The following TUBGCP5 variants were observed in gnomAD, a reference collection of about 807,000 sequenced individuals.
The protein encoded by TUBGCP5 is tubulin gamma complex component 5.
Under a neutral mutation model 134.7 loss-of-function variants are expected in TUBGCP5, and 98 were observed. The observed-to-expected ratio is 0.73, with a 90% CI of 0.62 to 0.86. The LOEUF (loss-of-function observed/expected upper bound fraction) is 0.86, where lower values mean the gene tolerates loss of function less well. Among genes scored for constraint, TUBGCP5 ranks in the 40% least tolerant of loss-of-function variants. TUBGCP5 has a pLI of 0.00. For synonymous variants in TUBGCP5, 456 were observed against 431.4 expected, an observed-to-expected ratio of 1.06 and a Z score of -0.71; for missense variants, 1,150 against 1,244.8, an observed-to-expected ratio of 0.92 and a Z score of 1.15.
intron 11 of TUBGCP5, among the ~76,000 whole-genome samples, chr15:23,020,943 G>A (rs2065651913): frequency 6.6e-6 from 1 of 152,070 alleles, no homozygotes. Flanking sequence ...TGCCCAGGCT[G>A]GAGTGTAGTG....
chr15:23,034,344 T>A (rs1438572209), intron 3 of TUBGCP5, among the ~76,000 whole-genome samples: 1 of 152,110 alleles, frequency 6.6e-6, no homozygotes, highest in Non-Finnish European at 1.5e-5. Context: ...CAGACTCAAA[T>A]ATGGCAGGGA....
intron 1 of TUBGCP5, among the ~76,000 whole-genome samples, chr15:23,037,903 T>C (rs929334324): frequency 6.6e-6 from 1 of 152,172 alleles, no homozygotes; most frequent in Non-Finnish European, 1.5e-5. Context: ...TAGCTGGGAC[T>C]ACAGGCGCCT....
intron 23 of TUBGCP5, among the ~76,000 whole-genome samples, chr15:22,987,895 CAAAAAAAAAAAAAAAAA>C (rs869168765): frequency 2.9e-4 from 6 of 20,468 alleles, no homozygotes; most frequent in Non-Finnish European, 5.4e-4. Context: ...GACTCCATCT[CAAAAAAAAAAAAAAAAA>C]AAAAAAAAAA....
At position 23,039,433 on chromosome 15, in the gene TUBGCP5, G is replaced by C. The variant is rs758290609; in HGVS notation, c.111C>G (p.Phe37Leu). 13 of 1,533,906 alleles carry C rather than the reference G, an allele frequency of 8.5e-6. No individual in the cohort carries two copies. The Admixed American group carries it at 1.9e-4, about 22-fold the overall frequency. Residue 37 changes from phenylalanine (F) to leucine (L), a missense_variant, in exon 1 of 23, where the codon TTC becomes TTG. Phe to Leu is a conservative substitution (Grantham distance 22). Around this residue, in one of 2 missense-constraint regions of TUBGCP5, gnomAD observed 453 missense variants for 394.7 expected, o/e 1.15. Transcript: ENST00000615383. ...AGLQDEADPNFQLALNFAWSN... is the reference protein window; with the variant it reads ...AGLQDEADPNLQLALNFAWSN... ...ACCAGGCGAAGTTTAGGGCGAGCTG[G>C]AAGTTGGGGTCTGCCTCGTCCTGGA... is the stretch of plus-strand genomic sequence containing the variant.
At chr15:23,002,975 T>C (rs551677674) in intron 21 of TUBGCP5, 90 bp downstream of exon 21, 1 of 1,323,782 alleles carries the variant, frequency 7.6e-7, no homozygotes, top group African/African-American at 1.4e-5. Flanking sequence ...CTCAGCCTCC[T>C]GAATGGCTGG....
downstream of TUBGCP5, among the ~76,000 whole-genome samples, chr15:22,999,023 G>C (rs1347032618): frequency 6.6e-6 from 1 of 152,076 alleles, no homozygotes; most frequent in Non-Finnish European, 1.5e-5. Flanking sequence ...GTCTTTCAAA[G>C]TGCCAGGATT....
intron 21 of TUBGCP5, 65 bp from the exon 22 acceptor site, chr15:23,000,734 A>T: frequency 8.5e-7 from 1 of 1,174,668 alleles, no homozygotes; most frequent in Admixed American, 2.4e-5. Context: ...GCTTCAAGAT[A>T]TCTGTGGAGT....
At chr15:22,999,922 T>G in intron 22 of TUBGCP5, 56 bp from the exon 23 acceptor site, 2 of 1,529,072 alleles carry the variant, frequency 1.3e-6, no homozygotes, top group Non-Finnish European at 1.8e-6. Flanking sequence ...TGAAAAAAAA[T>G]TTTTTTTGAA....
intron 9 of TUBGCP5, 126 bp downstream of exon 9, chr15:23,024,611 T>A: frequency 3.5e-6 from 2 of 568,042 alleles, no homozygotes; most frequent in Non-Finnish European, 5.9e-6. Context: ...AAGTTAGCTT[T>A]TTTTTGCATG....
At chr15:23,024,455 GTA>G in intron 9 of TUBGCP5, 1 of 448,798 alleles carries the variant, frequency 2.2e-6, no homozygotes, top group East Asian at 3.8e-5. Flanking sequence ...CAAAATTACA[GTA>G]TATAACTTTC....
chr15:23,002,017 G>T (rs972700868), intron 21 of TUBGCP5, among the ~76,000 whole-genome samples: 1 of 151,450 alleles, frequency 6.6e-6, no homozygotes, highest in Non-Finnish European at 1.5e-5. Context: ...ATGGTTGATA[G>T]ACTTCTTAAG....
chr15:22,985,856 G>A (rs142001830), intron 23 of TUBGCP5, among the ~76,000 whole-genome samples: 16,417 of 147,800 alleles, frequency 0.11, 996 homozygotes, highest in Middle Eastern at 0.13. Context: ...ATAATAGGCC[G>A]GGCACGGTGG....
chr15:22,992,241 T>C (rs934117396), intron 23 of TUBGCP5, among the ~76,000 whole-genome samples: 2 of 152,140 alleles, frequency 1.3e-5, no homozygotes, highest in African/African-American at 2.4e-5. Context: ...ATCTTCATGA[T>C]GAGAGGCCCT....
chr15:23,001,653 CT>C (rs59087813), intron 21 of TUBGCP5, among the ~76,000 whole-genome samples: 6,126 of 142,306 alleles, frequency 0.043, 244 homozygotes, highest in African/African-American at 0.11. Context: ...TTCTTTCTTT[CT>C]TTTTTTTTTT....
chr15:23,003,035 G>A (rs770309151), intron 21 of TUBGCP5, 30 bp downstream of exon 21: 9 of 1,608,756 alleles, frequency 5.6e-6, no homozygotes, highest in Middle Eastern at 1.7e-4. Flanking sequence ...AATGGTCACA[G>A]TGCAGATGCT....
In TUBGCP5 at chr15:23,019,209, T is replaced by C; in HGVS notation, c.1487+10A>G. 1.2e-6 allele frequency: 2 copies of C among 1,602,608 alleles called. No individual in the cohort carries two copies. Among genetic ancestry groups the C allele is most frequent in the Non-Finnish European group, 1.7e-6 (2 of 1,170,260 alleles). Reference sequence around the variant, plus strand: ...AGCCCCCAGTGACCTTGTGCTCTGCTGCAGCTCACCTCTGGATGATGAACT... The same window carrying C: ...AGCCCCCAGTGACCTTGTGCTCTGCCGCAGCTCACCTCTGGATGATGAACT... On this transcript the variant is annotated intron_variant, in intron 12 of 22. Coordinates refer to ENST00000615383, the MANE Select transcript of TUBGCP5 (RefSeq NM_052903.6).
At chr15:23,018,987 G>A (rs1595872486) in intron 12 of TUBGCP5, among the ~76,000 whole-genome samples, 1 of 152,136 alleles carries the variant, frequency 6.6e-6, no homozygotes, top group African/African-American at 2.4e-5. Flanking sequence ...AATATAATTT[G>A]CTTAAGAAAA....
chr15:22,986,648 G>A (rs930581766), intron 23 of TUBGCP5, among the ~76,000 whole-genome samples: 3 of 151,866 alleles, frequency 2.0e-5, no homozygotes, highest in African/African-American at 7.3e-5. Flanking sequence ...TGAGGCAGAA[G>A]AATCACTTGA....
At chr15:23,027,714 T>C (rs531506636) in intron 6 of TUBGCP5, among the ~76,000 whole-genome samples, 1 of 151,660 alleles carries the variant, frequency 6.6e-6, no homozygotes, top group African/African-American at 2.4e-5. Context: ...GCCACTACGC[T>C]CCAGCCTGGG....
Sources: gnomAD v4.1 joint callset for allele counts (sites outside exome capture counted in the v4.1 genomes callset) on GRCh38, gnomAD v4.1.1 for gene constraint, gnomAD v4.1.1 regional missense constraint, MANE v1.5 for transcripts, NCBI Gene and HGNC (gene_info 2026-07-23, HGNC 2026-07-21) for gene names.